RPH3A: variants seen among roughly 807,000 people sequenced by gnomAD.
The protein encoded by RPH3A is rabphilin 3A.
In RPH3A, 48 loss-of-function variants were observed where a neutral mutation model predicts 102.2. The ratio of observed to expected loss-of-function variants is 0.47; its 90% CI spans 0.37 to 0.60. The LOEUF (loss-of-function observed/expected upper bound fraction) is 0.60. Among genes scored for constraint, RPH3A ranks in the 20% least tolerant of loss-of-function variants. The probability of loss-of-function intolerance (pLI) is 0.00; values close to 1 mark genes in which losing one functional copy is unlikely to be tolerated. For synonymous variants in RPH3A, 310 were observed against 324.3 expected (o/e 0.96, Z 0.47); for missense variants, 781 against 910.1 (o/e 0.86, Z 1.83).
intron 1 of RPH3A, among the ~76,000 whole-genome samples, chr12:112,773,362 T>TC (rs922595354): frequency 2.0e-5 from 3 of 151,904 alleles, no homozygotes; most frequent in Non-Finnish European, 4.4e-5. Context: ...GCAGAAAAGA[T>TC]CCCCCCTCCT....
intron 1 of RPH3A, among the ~76,000 whole-genome samples, chr12:112,664,745 T>A (rs1187662960): frequency 6.6e-6 from 1 of 152,062 alleles, no homozygotes; most frequent in Non-Finnish European, 1.5e-5. Flanking sequence ...TTGTGTCACA[T>A]CCCCTCTGCG....
At chr12:112,621,468 T>C (rs1288677091) in intron 1 of RPH3A, among the ~76,000 whole-genome samples, 1 of 146,346 alleles carries the variant, frequency 6.8e-6, no homozygotes, top group Non-Finnish European at 1.5e-5. Flanking sequence ...GAAAATCGGG[T>C]CACTCCCACC....
intron 1 of RPH3A, among the ~76,000 whole-genome samples, chr12:112,674,870 T>C (rs1279875928): frequency 1.3e-5 from 2 of 152,198 alleles, no homozygotes; most frequent in Non-Finnish European, 2.9e-5. Context: ...AAAATCCACA[T>C]TCTCTCTCAG....
intron 1 of RPH3A, among the ~76,000 whole-genome samples, chr12:112,646,048 G>A (rs980342273): frequency 8.5e-5 from 13 of 152,184 alleles, no homozygotes; most frequent in African/African-American, 3.1e-4. Flanking sequence ...TTAAATCTGA[G>A]AAGAAATGTA....
chr12:112,808,682 G>A (rs904522495), intron 2 of RPH3A, among the ~76,000 whole-genome samples: 34 of 152,134 alleles, frequency 2.2e-4, no homozygotes, highest in African/African-American at 7.2e-4. Flanking sequence ...ATAAAGTGGC[G>A]GTTCTCAGAA....
rs951451575 is a variant in RPH3A at position 112,621,780 on chromosome 12, A to C, written c.-140+46461A>C. ...GGGCACAGACAAACAAAAAGACAGC[A>C]GTAACCTCTGCAGACTTAAATGTCC... is the stretch of plus-strand genomic sequence containing the variant. On this transcript the variant is annotated intron_variant, in intron 1 of 21. Coordinates refer to the RPH3A transcript ENST00000543106. 7.7e-3 allele frequency among the ~76,000 whole-genome samples: 1,173 copies of C among 151,922 alleles called. 15 individuals are homozygous for C. The highest frequency in any genetic ancestry group is 0.027 in the African/African-American group (1,132 of 41,502).
At chr12:112,679,719 C>A (rs1367490381) in intron 1 of RPH3A, among the ~76,000 whole-genome samples, 3 of 152,210 alleles carry the variant, frequency 2.0e-5, no homozygotes, top group Non-Finnish European at 4.4e-5. Context: ...AGCCACCACA[C>A]CCGGCCTACT....
chr12:112,759,480 A>G (rs759454511), intron 1 of RPH3A, among the ~76,000 whole-genome samples: 1 of 152,126 alleles, frequency 6.6e-6, no homozygotes, highest in Non-Finnish European at 1.5e-5. Context: ...CCTGTTGTGC[A>G]TTTGTAATTA....
chr12:112,872,149 G>C (rs963842469), intron 10 of RPH3A, among the ~76,000 whole-genome samples: 2 of 152,124 alleles, frequency 1.3e-5, no homozygotes, highest in African/African-American at 2.4e-5. Context: ...GACATTTTTA[G>C]ATTCCCACCA....
intron 1 of RPH3A, among the ~76,000 whole-genome samples, chr12:112,780,834 A>G (rs1312677787): frequency 6.6e-6 from 1 of 152,150 alleles, no homozygotes. Context: ...AGACTGACTT[A>G]AGAATGACAT....
intron 10 of RPH3A, among the ~76,000 whole-genome samples, chr12:112,872,478 T>C (rs993239896): frequency 6.6e-6 from 1 of 152,190 alleles, no homozygotes; most frequent in African/African-American, 2.4e-5. Flanking sequence ...AATTTACACA[T>C]TTTTCTCTTA....
chr12:112,745,632 T>C (rs1474051658), intron 1 of RPH3A, among the ~76,000 whole-genome samples: 1 of 152,232 alleles, frequency 6.6e-6, no homozygotes, highest in Non-Finnish European at 1.5e-5. Flanking sequence ...TTGTTCCCAG[T>C]GTGAATTCAG....
At chr12:112,774,611 C>T (rs966404807) in intron 1 of RPH3A, among the ~76,000 whole-genome samples, 28 of 152,266 alleles carry the variant, frequency 1.8e-4, no homozygotes, top group Middle Eastern at 3.4e-3. Context: ...TAAAAAGGAA[C>T]GAGATCATGT....
intron 1 of RPH3A, among the ~76,000 whole-genome samples, chr12:112,589,970 C>A (rs2039465570): frequency 6.6e-6 from 1 of 151,788 alleles, no homozygotes; most frequent in African/African-American, 2.4e-5. Flanking sequence ...GTAATCCCAG[C>A]TACTTGGGAG....
intron 1 of RPH3A, among the ~76,000 whole-genome samples, chr12:112,783,408 A>C (rs1276357424): frequency 6.6e-6 from 1 of 152,052 alleles, no homozygotes; most frequent in Non-Finnish European, 1.5e-5. Flanking sequence ...AACATTCTCT[A>C]TGCTCTGCCT....
chr12:112,730,714 A>G (rs537004543), intron 1 of RPH3A, among the ~76,000 whole-genome samples: 2 of 152,266 alleles, frequency 1.3e-5, no homozygotes, highest in African/African-American at 4.8e-5. Flanking sequence ...TCTCATCTAC[A>G]ACCCGTGAAA....
chr12:112,877,763 A>T (rs535223813), intron 13 of RPH3A, among the ~76,000 whole-genome samples: 89 of 152,334 alleles, frequency 5.8e-4, no homozygotes, highest in African/African-American at 2.1e-3. Flanking sequence ...TGCTTCATAA[A>T]ATGGAAATCA....
chr12:112,724,304 A>G (rs1254497725), intron 1 of RPH3A, among the ~76,000 whole-genome samples: 1 of 152,142 alleles, frequency 6.6e-6, no homozygotes. Flanking sequence ...AACTCAAGCA[A>G]TCTTCCTGCC....
intron 1 of RPH3A, among the ~76,000 whole-genome samples, chr12:112,694,677 CACACACAGAG>C (rs1566263006): frequency 1.1e-4 from 16 of 144,234 alleles, no homozygotes; most frequent in South Asian, 2.2e-4. Context: ...CACACACACA[CACACACAGAG>C]AGAGAGAGAG....
Sources: gnomAD v4.1 joint callset for allele counts (sites outside exome capture counted in the v4.1 genomes callset) on GRCh38, gnomAD v4.1.1 for gene constraint, MANE v1.5 for transcripts, NCBI Gene and HGNC (gene_info 2026-07-23, HGNC 2026-07-21) for gene names.